The following COQ2 variants were observed in gnomAD, a reference collection of about 807,000 sequenced individuals.
COQ2 encodes the protein 4-hydroxybenzoate polyprenyltransferase, mitochondrial.
Under a neutral mutation model 35.7 loss-of-function variants are expected in COQ2, and 25 were observed. The ratio of observed to expected loss-of-function variants is 0.70; its 90% CI spans 0.51 to 0.98. COQ2 has a LOEUF of 0.98. Ranked by LOEUF, COQ2 falls within the 50% of genes least tolerant of loss-of-function variation. COQ2 has a pLI of 0.00. For missense variants in COQ2, 488 were observed against 473.5 expected, an observed-to-expected ratio of 1.03 and a Z score of -0.28; for synonymous variants, 206 against 186.2, an observed-to-expected ratio of 1.11 and a Z score of -0.86.
chr4:83,272,173 C>A lies in COQ2; in HGVS notation c.543-1G>T, dbSNP rs1440439792. 1.2e-6 allele frequency: 2 copies of A among 1,600,810 alleles called. No individual in the cohort carries two copies. The highest frequency in any genetic ancestry group is 1.7e-6 in the Non-Finnish European group (2 of 1,172,328). On this transcript the variant is annotated splice_acceptor_variant, in intron 3 of 6. Coordinates refer to ENST00000647002, the MANE Select transcript of COQ2 (RefSeq NM_001358921.2). LOFTEE classifies it high-confidence loss of function. Reference sequence around the variant, plus strand: ...TAAGGATCCTGCTCCCAGAGCTATACTGAAAAGAGGAAAAACCATTAAAGT... The same window carrying A: ...TAAGGATCCTGCTCCCAGAGCTATAATGAAAAGAGGAAAAACCATTAAAGT...
chr4:83,268,344 C>T (rs1190238815), intron 5 of COQ2, among the ~76,000 whole-genome samples: 3 of 152,186 alleles, frequency 2.0e-5, no homozygotes, highest in South Asian at 2.1e-4. Context: ...ATGATATAAC[C>T]ACATGTAGCT....
At chr4:83,267,842 GA>G in intron 5 of COQ2, 68 bp from the exon 6 acceptor site, 2 of 1,310,282 alleles carry the variant, frequency 1.5e-6, no homozygotes, top group African/African-American at 3.6e-5. Flanking sequence ...TTCACATTTT[GA>G]AGTATCAGAT....
At chr4:83,273,722 G>T in intron 2 of COQ2, 105 bp from the exon 3 acceptor site, 1 of 1,079,376 alleles carries the variant, frequency 9.3e-7, no homozygotes, top group Non-Finnish European at 1.4e-6. Context: ...TATGAATGAA[G>T]AGAGAAATCA....
At chr4:83,284,463 G>T (rs1185787323) in intron 1 of COQ2, 49 bp downstream of exon 1, 1 of 1,519,996 alleles carries the variant, frequency 6.6e-7, no homozygotes, top group Non-Finnish European at 8.8e-7. Flanking sequence ...GAGCCGACTC[G>T]GAGGCTGCTA....
At chr4:83,284,421 C>T in intron 1 of COQ2, 91 bp downstream of exon 1, 2 of 1,453,428 alleles carry the variant, frequency 1.4e-6, no homozygotes, top group Non-Finnish European at 9.1e-7. Context: ...ATTTCCATCA[C>T]GCCCCGGCCG....
At chr4:83,274,046 T>C (rs906082323) in intron 2 of COQ2, among the ~76,000 whole-genome samples, 12 of 150,826 alleles carry the variant, frequency 8.0e-5, no homozygotes, top group East Asian at 1.9e-4. Flanking sequence ...GCCCCAGCTA[T>C]TGGGGAGGCT....
intron 5 of COQ2, 47 bp downstream of exon 5, chr4:83,269,813 A>G (rs1735003495): frequency 6.9e-7 from 1 of 1,439,090 alleles, no homozygotes; most frequent in Admixed American, 2.8e-5. Flanking sequence ...TGGTTCTTTA[A>G]AAACAGCAAC....
intron 1 of COQ2, 64 bp downstream of exon 1, chr4:83,284,448 C>A: frequency 1.3e-6 from 2 of 1,502,838 alleles, no homozygotes; most frequent in South Asian, 2.5e-5. Flanking sequence ...GCGGACAGCT[C>A]CGCGGAGCCG....
chr4:83,276,803 C>G (rs1275885611), intron 2 of COQ2, among the ~76,000 whole-genome samples: 1 of 152,072 alleles, frequency 6.6e-6, no homozygotes, highest in Non-Finnish European at 1.5e-5. Context: ...AAGTGTCCAT[C>G]AATGGATGAC....
At chr4:83,284,452 G>T (rs1054146325) in intron 1 of COQ2, 60 bp downstream of exon 1, 67 of 1,505,310 alleles carry the variant, frequency 4.5e-5, no homozygotes, top group Non-Finnish European at 5.8e-5. Flanking sequence ...ACAGCTCCGC[G>T]GAGCCGACTC....
rs1405271308 is a variant in COQ2, at chr4:83,267,617, AG to A, written c.919del (p.Leu307TrpfsTer4). 2.5e-6 allele frequency: 4 copies of A among 1,586,030 alleles called. No homozygotes were observed. In the East Asian group the frequency reaches 6.9e-5, roughly 27 times the overall value. The part of the protein sequence containing the change: ...SGQTAPYYAA[L>X]GAVGAHLTHQ... ...AGTCAGATGGGCTCCTACAGCACCC[AG>A]GGCAGCGTAGTAGGGAGCAGTCTGT... On this transcript the variant is annotated frameshift_variant, in exon 6 of 7. Coordinates refer to ENST00000647002, the MANE Select transcript of COQ2 (RefSeq NM_001358921.2). LOFTEE classifies it high-confidence loss of function.
At chr4:83,279,199 A>G (rs1735255269) in intron 1 of COQ2, 85 bp from the exon 2 acceptor site, 1 of 1,413,574 alleles carries the variant, frequency 7.1e-7, no homozygotes, top group African/African-American at 1.5e-5. Flanking sequence ...TACCAAAGAA[A>G]TAAAGAACAC....
At position 83,268,308 on chromosome 4, in the gene COQ2, T is replaced by G. The variant is rs77612690; in HGVS notation, c.763-534A>C. Among the ~76,000 whole-genome samples, 13 of 152,296 alleles carry G rather than the reference T, an allele frequency of 8.5e-5. No homozygotes were observed. The East Asian group carries it at 2.5e-3, about 29-fold the overall frequency. Reference sequence around the variant, plus strand: ...CCTATCCCTTGCCTTTCCTATCAAATCCTGTTTAGGTAGAGCTAGGTCTTG... The same window carrying G: ...CCTATCCCTTGCCTTTCCTATCAAAGCCTGTTTAGGTAGAGCTAGGTCTTG... On this transcript the variant is annotated intron_variant, in intron 5 of 6. Coordinates refer to ENST00000647002, the MANE Select transcript of COQ2 (RefSeq NM_001358921.2).
intron 2 of COQ2, among the ~76,000 whole-genome samples, chr4:83,277,971 AAAACACACACAC>A (rs1735223635): frequency 9.9e-6 from 1 of 100,950 alleles, no homozygotes; most frequent in Non-Finnish European, 2.0e-5. Context: ...ACTCCATCTC[AAAACACACACAC>A]ACACACACAC....
chr4:83,264,264 T>G lies in COQ2; in HGVS notation c.1051A>C (p.Asn351His). ...TCTGTCTTCTTTTCTTTCCACAAAT[T>G]CCCAAGGACAATCCCTAAAAAAACT... ...LIVFLGIVLG[N>H]LWKEKKTDKT... Residue 351 changes from asparagine (N) to histidine (H), a missense_variant, in exon 7 of 7, where the codon AAT (asparagine) becomes CAT (histidine). Transcript: ENST00000647002. 1 of 1,609,276 alleles carries G rather than the reference T, an allele frequency of 6.2e-7. No individual in the cohort carries two copies. The highest frequency in any genetic ancestry group is 1.1e-5 in the South Asian group (1 of 89,804).
intron 6 of COQ2, 38 bp downstream of exon 6, chr4:83,267,548 C>T: frequency 6.7e-7 from 1 of 1,497,556 alleles, no homozygotes; most frequent in South Asian, 1.3e-5. Flanking sequence ...TAATTTATAC[C>T]AAGGAAATAT....
chr4:83,285,102 AC>A (rs1735441671), upstream of COQ2, among the ~76,000 whole-genome samples: 1 of 152,196 alleles, frequency 6.6e-6, no homozygotes, highest in African/African-American at 2.4e-5. Context: ...GAATCGGGCA[AC>A]ACCTTATTCT....
chr4:83,284,708 C>A lies in COQ2; in HGVS notation c.57G>T (p.Ala19=), dbSNP rs1485361093. ...AGCGGCCCCGCCAGCCCGGCAGCCA[C>A]GCCAGTGCCACAGCCCGCAGGCCCC... ...FARGLRAVAL[A]WLPGWRGRSF... The change falls in exon 1 of 7, where the codon GCG becomes GCT. Residue 19 remains alanine, a synonymous_variant. Transcript: ENST00000647002. 2.7e-6 allele frequency: 4 copies of A among 1,499,038 alleles called. No individual in the cohort carries two copies. The highest frequency in any genetic ancestry group is 1.9e-4 in the Middle Eastern group (1 of 5,358). 92.9% of individuals were successfully genotyped at this position (1,499,038 alleles called of 1,614,324 possible). A position where few individuals can be genotyped will look rare whatever the true frequency, so the allele number is the denominator to read the frequency against.
At chr4:83,266,999 A>T (rs1433827197) in intron 6 of COQ2, 1 of 335,092 alleles carries the variant, frequency 3.0e-6, no homozygotes. Context: ...TATCACTGAA[A>T]TTTTTCCAGA....
Sources: allele counts gnomAD v4.1 joint callset (sites outside exome capture counted in the v4.1 genomes callset), GRCh38; gene constraint gnomAD v4.1.1; transcripts MANE v1.5; gene names NCBI Gene and HGNC (gene_info 2026-07-23, HGNC 2026-07-21).